Variants in CFI observed in about 807,000 individuals in gnomAD.
CFI encodes C3B/C4B inactivator.
A neutral mutation model predicts 78.8 loss-of-function variants in CFI; 66 were observed. That is an observed-to-expected ratio of 0.84 (90% CI 0.69 to 1.03). The LOEUF is 1.03. Among genes scored for constraint, CFI ranks in the 50% least tolerant of loss-of-function variants. The probability of loss-of-function intolerance (pLI) is 0.00; values close to 1 mark genes in which losing one functional copy is unlikely to be tolerated. For missense variants in CFI, 706 were observed against 704.5 expected (o/e 1.00, Z -0.02); for synonymous variants, 250 against 232.6 (o/e 1.07, Z -0.68).
At chr4:109,761,429 G>T in intron 4 of CFI, 88 bp downstream of exon 4, 2 of 1,274,024 alleles carry the variant, frequency 1.6e-6, no homozygotes, top group Non-Finnish European at 1.1e-6. Flanking sequence ...GACTGGCAAC[G>T]AGGCATCAAT....
chr4:109,759,017 C>G (rs1726679043), intron 6 of CFI, among the ~76,000 whole-genome samples: 1 of 152,154 alleles, frequency 6.6e-6, no homozygotes, highest in Non-Finnish European at 1.5e-5. Context: ...CCCTTGAACC[C>G]AGGAGGCAGA....
chr4:109,766,150 T>C (rs1727722906), intron 2 of CFI, among the ~76,000 whole-genome samples: 1 of 151,994 alleles, frequency 6.6e-6, no homozygotes, highest in Non-Finnish European at 1.5e-5. Flanking sequence ...CAGAAATTAC[T>C]GGGGCCACAG....
chr4:109,738,276 A>C (rs949080893), downstream of CFI, among the ~76,000 whole-genome samples: 10 of 151,808 alleles, frequency 6.6e-5, no homozygotes, highest in African/African-American at 2.2e-4. Context: ...CACCACTCCC[A>C]GCTTTTTTTG....
chr4:109,768,515 G>A (rs1369644074), intron 1 of CFI, among the ~76,000 whole-genome samples: 1 of 152,086 alleles, frequency 6.6e-6, no homozygotes, highest in Non-Finnish European at 1.5e-5. Context: ...TGTAATGGTT[G>A]ACAGGTACTA....
intron 1 of CFI, among the ~76,000 whole-genome samples, chr4:109,769,796 C>T (rs1284518713): frequency 6.6e-6 from 1 of 152,214 alleles, no homozygotes; most frequent in Non-Finnish European, 1.5e-5. Context: ...GGACCCACAC[C>T]TGTCTGTTGC....
At chr4:109,789,749 G>T (rs1366717150) in intron 1 of CFI, among the ~76,000 whole-genome samples, 1 of 151,896 alleles carries the variant, frequency 6.6e-6, no homozygotes, top group Non-Finnish European at 1.5e-5. Context: ...TGATTTGGTG[G>T]GAAGATAGTC....
At position 109,766,911 on chromosome 4, in the gene CFI, G is replaced by T. The variant is rs564562596; in HGVS notation, c.58-87C>A. The stretch of plus-strand genomic sequence containing the variant: ...GTAAGTGAAGGAAAAGAGCAAAACA[G>T]ATACAGCCCACAGTACAGATGAGGA... On this transcript the variant is annotated intron_variant, in intron 1 of 12. Transcript: ENST00000394634. The T allele has an allele frequency of 9.6e-5, 127 of 1,323,312 alleles. No individual in the cohort carries two copies. The East Asian group carries it at 2.9e-3, about 30-fold the overall frequency. The allele number at this position is 1,323,312 out of a possible 1,614,324, so 82.0% of individuals were successfully genotyped here.
chr4:109,757,800 CA>C lies in CFI; in HGVS notation c.884-18del. 1 of 1,436,812 alleles carries C rather than the reference CA, an allele frequency of 7.0e-7. No homozygotes were observed. Among genetic ancestry groups the C allele is most frequent in the Non-Finnish European group, 9.6e-7 (1 of 1,045,468 alleles). The allele number at this position is 1,436,812 out of a possible 1,614,324, so 89.0% of individuals were successfully genotyped here. A position where few individuals can be genotyped will look rare whatever the true frequency, so the allele number is the denominator to read the frequency against. On this transcript the variant is annotated intron_variant, in intron 6 of 12. Transcript: ENST00000394634. ...ATGCAAAGCCTGAAGAAAACAAAAA[CA>C]AAAAATTTATCAAAGGATAATTTTT...
At chr4:109,801,870 T>G (rs1276317525) in intron 1 of CFI, 45 bp downstream of exon 1, 1 of 1,314,840 alleles carries the variant, frequency 7.6e-7, no homozygotes, top group East Asian at 2.3e-5. Context: ...TTACAACCTT[T>G]AAATTATCAA....
chr4:109,775,097 G>A (rs186841967), intron 1 of CFI, among the ~76,000 whole-genome samples: 331 of 152,226 alleles, frequency 2.2e-3, no homozygotes, highest in Non-Finnish European at 4.1e-3. Context: ...CCCAGTGTGA[G>A]CGACGCAGAA....
chr4:109,771,550 C>CA (rs60490705), intron 1 of CFI, among the ~76,000 whole-genome samples: 12,033 of 132,740 alleles, frequency 0.091, 1,371 homozygotes, highest in African/African-American at 0.28. Flanking sequence ...ACTAAAAATA[C>CA]AAAAAAAAAA....
At chr4:109,789,661 A>G (rs951949284) in intron 1 of CFI, among the ~76,000 whole-genome samples, 1 of 152,092 alleles carries the variant, frequency 6.6e-6, no homozygotes, top group African/African-American at 2.4e-5. Context: ...TACAAGAAAA[A>G]GCAGAAGGAA....
At chr4:109,759,971 T>C (rs570043378) in intron 6 of CFI, among the ~76,000 whole-genome samples, 65 of 152,012 alleles carry the variant, frequency 4.3e-4, no homozygotes, top group African/African-American at 1.6e-3. Flanking sequence ...ATAAGCAAGA[T>C]TGGCAAACTA....
chr4:109,779,736 C>T (rs960189216), intron 1 of CFI, among the ~76,000 whole-genome samples: 3 of 152,292 alleles, frequency 2.0e-5, no homozygotes, highest in Middle Eastern at 3.4e-3. Context: ...TCAAACTATA[C>T]TACAAGTCTA....
intron 9 of CFI, 38 bp from the exon 10 acceptor site, chr4:109,749,359 A>G: frequency 6.4e-7 from 1 of 1,568,308 alleles, no homozygotes; most frequent in South Asian, 1.1e-5. Context: ...CCATTCTAAC[A>G]GATAGCGATA....
chr4:109,736,818 G>C (rs959914072), downstream of CFI, among the ~76,000 whole-genome samples: 100 of 151,974 alleles, frequency 6.6e-4, no homozygotes, highest in African/African-American at 2.3e-3. Context: ...TTCCTATCAC[G>C]TACTGTACAC....
At chr4:109,743,300 T>C (rs754375479) in intron 11 of CFI, among the ~76,000 whole-genome samples, 1 of 152,212 alleles carries the variant, frequency 6.6e-6, no homozygotes, top group Non-Finnish European at 1.5e-5. Context: ...AGTAATTTCT[T>C]ATTTCCTCTA....
At chr4:109,761,424 G>T in intron 4 of CFI, 93 bp downstream of exon 4, 1 of 1,213,098 alleles carries the variant, frequency 8.2e-7, no homozygotes, top group Non-Finnish European at 1.2e-6. Context: ...TCTGTGACTG[G>T]CAACGAGGCA....
At chr4:109,759,115 T>A (rs969555635) in intron 6 of CFI, among the ~76,000 whole-genome samples, 1 of 151,926 alleles carries the variant, frequency 6.6e-6, no homozygotes, top group African/African-American at 2.4e-5. Context: ...TAAAAAGAAT[T>A]CTTGCCTAAA....
Sources: gnomAD v4.1 joint callset for allele counts (sites outside exome capture counted in the v4.1 genomes callset) on GRCh38, gnomAD v4.1.1 for gene constraint, MANE v1.5 for transcripts, NCBI Gene and HGNC (gene_info 2026-07-23, HGNC 2026-07-21) for gene names.